The following ADAMTS2 variants were observed in gnomAD, a reference collection of about 807,000 sequenced individuals.
The protein encoded by ADAMTS2 is ADAM metallopeptidase with thrombospondin type 1 motif 2.
ADAMTS2 carries 50 observed loss-of-function variants against 123.0 expected under a neutral mutation model. The observed-to-expected ratio is 0.41, with a 90% CI of 0.32 to 0.51. The LOEUF (loss-of-function observed/expected upper bound fraction) is 0.51. Ranked by LOEUF, ADAMTS2 falls within the 20% of genes least tolerant of loss-of-function variation. ADAMTS2 has a pLI of 0.35. For synonymous variants in ADAMTS2, 678 were observed against 695.4 expected (o/e 0.98, Z 0.39); for missense variants, 1,494 against 1,705.2 (o/e 0.88, Z 2.18).
chr5:179,195,897 G>A (rs73329717), intron 4 of ADAMTS2, among the ~76,000 whole-genome samples: 2,460 of 152,312 alleles, frequency 0.016, 82 homozygotes, highest in African/African-American at 0.055. Context: ...TAAGGGACCC[G>A]TGTTTCGTGT....
rs771603780 is a variant in ADAMTS2 at position 179,285,412 on chromosome 5, G to A, written c.535-12348C>T. The stretch of plus-strand genomic sequence containing the variant: ...GCGGCCTTCTGCTAAATCAAGCAAC[G>A]CTTGAGTGGCTCCCTCGGGACCTGG... On this transcript the variant is annotated intron_variant, in intron 2 of 21. Transcript: ENST00000251582. The surrounding 1 kb of genome is among the most constrained non-coding windows in gnomAD (Gnocchi z 4.9). Among the ~76,000 whole-genome samples the A allele has an allele frequency of 5.3e-5, 8 of 152,208 alleles. No individual in the cohort carries two copies. The East Asian group carries it at 1.3e-3, about 26-fold the overall frequency.
chr5:179,215,590 A>T (rs530119941), intron 3 of ADAMTS2, among the ~76,000 whole-genome samples: 50 of 152,286 alleles, frequency 3.3e-4, no homozygotes, highest in Non-Finnish European at 6.5e-4. Flanking sequence ...AAAGAAATTT[A>T]AAAAAAATTT....
intron 3 of ADAMTS2, among the ~76,000 whole-genome samples, chr5:179,253,861 A>C (rs950962440): frequency 2.0e-5 from 3 of 152,148 alleles, no homozygotes; most frequent in African/African-American, 7.2e-5. Context: ...CATCGGCTCC[A>C]GTCCAGTCCC....
chr5:179,335,018 T>C (rs1757576680), intron 2 of ADAMTS2, among the ~76,000 whole-genome samples: 1 of 152,226 alleles, frequency 6.6e-6, no homozygotes, highest in African/African-American at 2.4e-5. Flanking sequence ...TTTAATTTAC[T>C]ATCAATCAAA....
chr5:179,181,037 G>A lies in ADAMTS2; in HGVS notation c.975+35C>T. 6.4e-6 allele frequency: 10 copies of A among 1,554,134 alleles called. 1 individual carries two copies. The highest frequency in any genetic ancestry group is 8.9e-6 in the Non-Finnish European group (10 of 1,126,128). Reference sequence around the variant, plus strand: ...CTCCCAGGCCCCTCACTCCGAGGGGGTGGAGGCAGGCCCGGCTGGCCACAG... The same window carrying A: ...CTCCCAGGCCCCTCACTCCGAGGGGATGGAGGCAGGCCCGGCTGGCCACAG... On this transcript the variant is annotated intron_variant, in intron 5 of 21. Transcript: ENST00000251582. This position sits in a 1 kb window ranked among gnomAD's most constrained non-coding sequence, Gnocchi z 4.1.
At chr5:179,315,168 GCCTCTGCCCCACC>G (rs1457812585) in intron 2 of ADAMTS2, among the ~76,000 whole-genome samples, 4 of 89,904 alleles carry the variant, frequency 4.4e-5, no homozygotes, top group Non-Finnish European at 9.7e-5. Context: ...ACCTAACACA[GCCTCTGCCCCACC>G]CCAGAGGGCT....
intron 2 of ADAMTS2, among the ~76,000 whole-genome samples, chr5:179,310,907 C>A (rs550158615): frequency 1.3e-5 from 2 of 152,186 alleles, no homozygotes; most frequent in East Asian, 3.9e-4. Flanking sequence ...CCCAGGACAG[C>A]AGCTCAGCAG....
intron 3 of ADAMTS2, among the ~76,000 whole-genome samples, chr5:179,215,476 T>G (rs1764961185): frequency 6.6e-6 from 1 of 151,904 alleles, no homozygotes. Flanking sequence ...CAAAAAAACT[T>G]CCAAAAACAG....
At chr5:179,243,762 T>C (rs1385969892) in intron 3 of ADAMTS2, among the ~76,000 whole-genome samples, 1 of 152,186 alleles carries the variant, frequency 6.6e-6, no homozygotes, top group Non-Finnish European at 1.5e-5. Context: ...ATTGGAAATA[T>C]GTCTTTGAAA....
chr5:179,114,151 C>G lies in ADAMTS2; in HGVS notation c.3352G>C (p.Val1118Leu). The change falls in exon 22 of 22, where the codon GTG becomes CTG. Residue 1118 changes from valine (V) to leucine (L), a missense_variant. Transcript: ENST00000251582. ...PPPGKHNDID[V>L]FMPTLPVPTV... ...GGCACTGGGAGGGTAGGCATGAACA[C>G]GTCAATGTCGTTGTGCTTCCCAGGC... The G allele has an allele frequency of 8.1e-6, 13 of 1,613,132 alleles. No individual in the cohort carries two copies. Among genetic ancestry groups the G allele is most frequent in the Non-Finnish European group, 1.1e-5 (13 of 1,179,162 alleles).
At chr5:179,320,474 ATTTT>A (rs10565392) in intron 2 of ADAMTS2, among the ~76,000 whole-genome samples, 1 of 142,476 alleles carries the variant, frequency 7.0e-6, no homozygotes, top group Non-Finnish European at 1.5e-5. Context: ...CGCCTGGCTA[ATTTT>A]TTTTTTTTTT....
In ADAMTS2 at chr5:179,303,848, GC is replaced by G. The variant is rs1432848035; in HGVS notation, c.535-30785del. ...TGTGCAAGACAGCAGGGTCAATAAA[GC>G]CCCAGCTTTCTGGCCAGAGAGATTT... On this transcript the variant is annotated intron_variant, in intron 2 of 21. Transcript: ENST00000251582. This position sits in a 1 kb window ranked among gnomAD's most constrained non-coding sequence, Gnocchi z 4.7. 6.6e-6 allele frequency among the ~76,000 whole-genome samples: 1 copy of G among 152,182 alleles called. No homozygotes were observed. Among genetic ancestry groups the G allele is most frequent in the Non-Finnish European group, 1.5e-5 (1 of 68,044 alleles).
intron 17 of ADAMTS2, 43 bp from the exon 18 acceptor site, chr5:179,126,173 C>T (rs374351666): frequency 9.2e-5 from 148 of 1,611,978 alleles, no homozygotes; most frequent in Non-Finnish European, 1.2e-4. Context: ...GGCAGCATGC[C>T]CTGCCCGAGG....
chr5:179,309,335 G>A (rs1258855499), intron 2 of ADAMTS2, among the ~76,000 whole-genome samples: 1 of 152,148 alleles, frequency 6.6e-6, no homozygotes, highest in East Asian at 1.9e-4. Flanking sequence ...CAGGTCACAG[G>A]ATGTCCCCCC....
chr5:179,218,033 C>T (rs1313377038), intron 3 of ADAMTS2, among the ~76,000 whole-genome samples: 3 of 152,220 alleles, frequency 2.0e-5, no homozygotes, highest in African/African-American at 7.2e-5. Flanking sequence ...GTCCCCAAAA[C>T]GTAAGTCCTA....
intron 4 of ADAMTS2, among the ~76,000 whole-genome samples, chr5:179,194,063 C>T (rs1203579941): frequency 1.3e-5 from 2 of 152,194 alleles, no homozygotes; most frequent in Admixed American, 6.5e-5. Context: ...TGGCCCTCCT[C>T]GTCCACAGGG....
rs114960437 is a variant in ADAMTS2 at position 179,289,236 on chromosome 5, G to A, written c.535-16172C>T. Among the ~76,000 whole-genome samples, 782 of 152,312 alleles carry A rather than the reference G, an allele frequency of 5.1e-3. 8 individuals are homozygous for A. The highest frequency in any genetic ancestry group is 0.037 in the East Asian group (193 of 5,176). Reference sequence around the variant, plus strand: ...GAGGAGGCAGCTGGAAGGTGCTTTCGGTGGTCAAATCTGGGGCAATTTGAA... The same window carrying A: ...GAGGAGGCAGCTGGAAGGTGCTTTCAGTGGTCAAATCTGGGGCAATTTGAA... On this transcript the variant is annotated intron_variant, in intron 2 of 21. Transcript: ENST00000251582.
intron 5 of ADAMTS2, among the ~76,000 whole-genome samples, chr5:179,177,247 C>A (rs886507404): frequency 2.0e-5 from 3 of 152,254 alleles, no homozygotes; most frequent in Non-Finnish European, 4.4e-5. Context: ...ACAATCTCCA[C>A]ATTCCTAGGA....
In ADAMTS2 at chr5:179,289,732, A is replaced by C. The variant is rs113354772; in HGVS notation, c.535-16668T>G. On this transcript the variant is annotated intron_variant, in intron 2 of 21. Coordinates refer to ENST00000251582, the MANE Select transcript of ADAMTS2 (RefSeq NM_014244.5). ...CCTTAGCCAAATGAAGAAGGGCATC[A>C]CTGACAATAGGAGACAACTGGACAT... Among the ~76,000 whole-genome samples the C allele has an allele frequency of 4.7e-3, 711 of 152,316 alleles. 3 individuals are homozygous for C. Among genetic ancestry groups the C allele is most frequent in the African/African-American group, 0.016 (678 of 41,570 alleles).
Sources: gnomAD v4.1 joint callset for allele counts (sites outside exome capture counted in the v4.1 genomes callset) on GRCh38, gnomAD v4.1.1 for gene constraint, Gnocchi (gnomAD v3.1) non-coding constraint, MANE v1.5 for transcripts, NCBI Gene and HGNC (gene_info 2026-07-23, HGNC 2026-07-21) for gene names.